CDK15: variants seen among roughly 807,000 people sequenced by gnomAD.
CDK15 encodes the protein cyclin-dependent kinase 15.
Under a neutral mutation model 60.3 loss-of-function variants are expected in CDK15, and 62 were observed. The ratio of observed to expected loss-of-function variants is 1.03; its 90% CI spans 0.84 to 1.27. CDK15 has a LOEUF of 1.27. CDK15 is among the 50% of genes most tolerant of loss of function. The pLI is 0.00. For missense variants in CDK15, 541 were observed against 527.8 expected (o/e 1.03, Z -0.25); for synonymous variants, 194 against 195.7 (o/e 0.99, Z 0.07).
chr2:201,873,847 G>A (rs559281098), intron 11 of CDK15, among the ~76,000 whole-genome samples: 1 of 152,336 alleles, frequency 6.6e-6, no homozygotes, highest in East Asian at 1.9e-4. Context: ...GAGGTCAGGA[G>A]TTCAAGACCA....
intron 9 of CDK15, among the ~76,000 whole-genome samples, chr2:201,851,702 C>T (rs989293258): frequency 4.6e-5 from 7 of 152,126 alleles, no homozygotes; most frequent in African/African-American, 1.7e-4. Context: ...CTCTGTTGCC[C>T]AGGCTGGAAT....
intron 5 of CDK15, among the ~76,000 whole-genome samples, chr2:201,823,309 G>GA (rs1315050445): frequency 6.6e-6 from 1 of 152,128 alleles, no homozygotes; most frequent in African/African-American, 2.4e-5. Context: ...ATTTTTGGAA[G>GA]AAAAAATATT....
At chr2:201,832,353 G>A (rs1696794633) in intron 6 of CDK15, among the ~76,000 whole-genome samples, 1 of 152,272 alleles carries the variant, frequency 6.6e-6, no homozygotes, top group Non-Finnish European at 1.5e-5. Flanking sequence ...TCTGAAAAAC[G>A]TATTTTTAAG....
At chr2:201,836,191 T>TTTATA (rs1553524153) in intron 8 of CDK15, among the ~76,000 whole-genome samples, 3 of 106,970 alleles carry the variant, frequency 2.8e-5, no homozygotes, top group Non-Finnish European at 5.2e-5. Context: ...ATATATTTTT[T>TTTATA]TATATATATA....
At chr2:201,887,412 ATTGTC>A (rs1231243856) in intron 12 of CDK15, among the ~76,000 whole-genome samples, 1 of 152,174 alleles carries the variant, frequency 6.6e-6, no homozygotes, top group Non-Finnish European at 1.5e-5. Context: ...CTGGTGTTAT[ATTGTC>A]TTAGTTGTTT....
At chr2:201,853,671 A>C (rs993792699) in intron 9 of CDK15, among the ~76,000 whole-genome samples, 5 of 152,130 alleles carry the variant, frequency 3.3e-5, no homozygotes, top group Non-Finnish European at 5.9e-5. Context: ...AGTATTTCAC[A>C]AGAACAATGT....
intron 8 of CDK15, among the ~76,000 whole-genome samples, chr2:201,840,765 C>T (rs1222508580): frequency 3.3e-5 from 5 of 152,170 alleles, no homozygotes; most frequent in Non-Finnish European, 5.9e-5. Flanking sequence ...GCCTTATTAT[C>T]TTCCTTTTGC....
At chr2:201,830,446 A>G (rs1177973668) in intron 6 of CDK15, among the ~76,000 whole-genome samples, 5 of 152,190 alleles carry the variant, frequency 3.3e-5, no homozygotes, top group African/African-American at 1.2e-4. Flanking sequence ...AAACCATGGT[A>G]AAAAAACATT....
intron 5 of CDK15, among the ~76,000 whole-genome samples, chr2:201,823,265 G>A (rs756173008): frequency 2.6e-5 from 4 of 152,130 alleles, no homozygotes; most frequent in Admixed American, 6.5e-5. Context: ...TTTAAAAATT[G>A]TATGCAAGCT....
intron 13 of CDK15, among the ~76,000 whole-genome samples, chr2:201,892,009 C>T (rs978580762): frequency 6.6e-6 from 1 of 152,236 alleles, no homozygotes; most frequent in Non-Finnish European, 1.5e-5. Flanking sequence ...TGATCTCTAT[C>T]TTTGGCTGTC....
Position 201,855,074 on chromosome 2 carries a change from C to G in CDK15, c.1009+137C>G, listed in dbSNP as rs934418101. 17 of 705,552 alleles carry G rather than the reference C, an allele frequency of 2.4e-5. No individual in the cohort carries two copies. In the East Asian group the frequency reaches 4.0e-4, roughly 16 times the overall value. 43.7% of individuals were successfully genotyped at this position (705,552 alleles called of 1,614,324 possible). A position where few individuals can be genotyped will look rare whatever the true frequency, so the allele number is the denominator to read the frequency against. On this transcript the variant is annotated intron_variant, in intron 10 of 13. Coordinates refer to ENST00000652192, the MANE Select transcript of CDK15 (RefSeq NM_001366386.2). The stretch of plus-strand genomic sequence containing the variant: ...AGAGGAATTTCTACATTCATATATT[C>G]CCTGACTAATCTTTGTATGAGGAAG...
rs563644911 is a variant in CDK15 at position 201,882,618 on chromosome 2, CG to C, written c.1198+2456del. Among the ~76,000 whole-genome samples, 3,224 of 149,854 alleles carry C rather than the reference CG, an allele frequency of 0.022. 43 individuals carry two copies. The highest frequency in any genetic ancestry group is 0.053 in the Middle Eastern group (15 of 284). On this transcript the variant is annotated intron_variant, in intron 12 of 13. Transcript: ENST00000652192. This position sits in a 1 kb window ranked among gnomAD's most constrained non-coding sequence, Gnocchi z 4.0. ...GCCGGTGCCAAGAGACAGGGAAAGG[CG>C]GGGGCAAGATTGGGTGTGTGTGCTT...
At chr2:201,818,164 A>G (rs1696072350) in intron 4 of CDK15, among the ~76,000 whole-genome samples, 1 of 152,120 alleles carries the variant, frequency 6.6e-6, no homozygotes, top group African/African-American at 2.4e-5. Flanking sequence ...GGCCTGTGCT[A>G]GTGCTGGAGA....
intron 4 of CDK15, among the ~76,000 whole-genome samples, chr2:201,817,866 C>A (rs368260082): frequency 3.9e-5 from 6 of 152,302 alleles, no homozygotes; most frequent in African/African-American, 1.4e-4. Context: ...TCCAAAGATA[C>A]CAAGACAACT....
chr2:201,862,109 G>T (rs61649136), intron 10 of CDK15, among the ~76,000 whole-genome samples: 3,657 of 152,238 alleles, frequency 0.024, 145 homozygotes, highest in African/African-American at 0.083. Context: ...TCAGTTGTGT[G>T]CCCGTTAAGG....
chr2:201,826,276 C>T (rs575047182), intron 6 of CDK15, among the ~76,000 whole-genome samples: 10 of 151,972 alleles, frequency 6.6e-5, no homozygotes, highest in African/African-American at 1.7e-4. Context: ...CTGGTTAACA[C>T]GGTGAAACCC....
intron 6 of CDK15, among the ~76,000 whole-genome samples, chr2:201,828,931 T>C (rs1022390118): frequency 2.6e-5 from 4 of 152,202 alleles, no homozygotes; most frequent in African/African-American, 9.6e-5. Context: ...GTCCCTATCC[T>C]AAGCTACCCA....
chr2:201,864,553 A>T (rs952402878), intron 10 of CDK15, among the ~76,000 whole-genome samples: 1 of 152,132 alleles, frequency 6.6e-6, no homozygotes, highest in African/African-American at 2.4e-5. Context: ...TCCTGACCTC[A>T]AGTGATCCAC....
At chr2:201,824,828 G>T in intron 6 of CDK15, 1 of 617,264 alleles carries the variant, frequency 1.6e-6, no homozygotes, top group Non-Finnish European at 2.3e-6. Flanking sequence ...CAGTGTTACA[G>T]CAATTGATCA....
Sources: allele counts gnomAD v4.1 joint callset (sites outside exome capture counted in the v4.1 genomes callset), GRCh38; gene constraint gnomAD v4.1.1; non-coding constraint Gnocchi (gnomAD v3.1); transcripts MANE v1.5; gene names NCBI Gene and HGNC (gene_info 2026-07-23, HGNC 2026-07-21).